PRKDC: variants seen among roughly 807,000 people sequenced by gnomAD.
The protein encoded by PRKDC is protein kinase, DNA-activated, catalytic subunit, also known as DNA-dependent protein kinase catalytic subunit.
In PRKDC, 82 loss-of-function variants were observed where a neutral mutation model predicts 486.9. That is an observed-to-expected ratio of 0.17 (90% CI 0.14 to 0.20). PRKDC has a LOEUF of 0.20. Among genes scored for constraint, PRKDC ranks in the 10% least tolerant of loss-of-function variants. The pLI, the probability that PRKDC is intolerant of heterozygous loss-of-function variation, is 1.00. For missense variants in PRKDC, 4,504 were observed against 5,038.2 expected (o/e 0.89, Z 3.21); for synonymous variants, 1,895 against 1,837.0 (o/e 1.03, Z -0.81).
At position 47,836,325 on chromosome 8, in the gene PRKDC, G is replaced by A. The variant is rs770587307; in HGVS notation, c.7951+13C>T. On this transcript the variant is annotated intron_variant, in intron 58 of 85. Transcript: ENST00000314191. ...GTGCTGTATACATGGCCAGCGGGCAGGGTCACTGTTACCTGCAGTCTGTGT... is the reference window on the plus strand; with the variant it reads ...GTGCTGTATACATGGCCAGCGGGCAAGGTCACTGTTACCTGCAGTCTGTGT... 1.3e-6 allele frequency: 2 copies of A among 1,549,564 alleles called. No individual in the cohort carries two copies.
intron 40 of PRKDC, among the ~76,000 whole-genome samples, chr8:47,870,137 T>C (rs1037388119): frequency 6.6e-6 from 1 of 152,126 alleles, no homozygotes; most frequent in African/African-American, 2.4e-5. Flanking sequence ...AACACAAGAC[T>C]GGCTAGATTT....
intron 54 of PRKDC, among the ~76,000 whole-genome samples, chr8:47,845,835 A>C (rs1161196086): frequency 6.6e-6 from 1 of 152,192 alleles, no homozygotes; most frequent in Non-Finnish European, 1.5e-5. Context: ...CATTCTCTGA[A>C]GCCAGCATCA....
chr8:47,880,031 T>C (rs891819208), intron 38 of PRKDC, among the ~76,000 whole-genome samples: 5 of 152,036 alleles, frequency 3.3e-5, no homozygotes, highest in African/African-American at 1.2e-4. Context: ...ATATTTTTCA[T>C]AGAGACGGGG....
At chr8:47,930,297 G>C (rs2090228380) in intron 17 of PRKDC, among the ~76,000 whole-genome samples, 1 of 152,220 alleles carries the variant, frequency 6.6e-6, no homozygotes, top group Admixed American at 6.5e-5. Flanking sequence ...TTTTGAGACG[G>C]AGTCTCGCTC....
At position 47,936,444 on chromosome 8, in the gene PRKDC, A is replaced by G. The variant is rs2090353585; in HGVS notation, c.1187T>C (p.Phe396Ser). The G allele has an allele frequency of 6.2e-7, 1 of 1,614,058 alleles. No individual in the cohort carries two copies. Among genetic ancestry groups the G allele is most frequent in the South Asian group, 1.1e-5 (1 of 91,086 alleles). The change falls in exon 12 of 86, where the codon TTC becomes TCC. Residue 396 changes from phenylalanine (F) to serine (S), a missense_variant. Physicochemically the swap from Phe to Ser is radical, Grantham distance 155. This residue lies in a region of PRKDC where 1,969 missense variants were observed against 2,068.9 expected (regional missense o/e 0.95). Coordinates refer to ENST00000314191, the MANE Select transcript of PRKDC (RefSeq NM_006904.7). ...VELIQRCKQM[F>S]LTQTDTGDDR... ...GTCACCAGTGTCTGTCTGGGTGAGG[A>G]ACATCTGCTTGCAGCGCTGAATGAG...
intron 35 of PRKDC, among the ~76,000 whole-genome samples, chr8:47,886,499 T>A (rs1378092984): frequency 2.0e-5 from 3 of 151,386 alleles, no homozygotes; most frequent in Non-Finnish European, 4.4e-5. Flanking sequence ...CAAGCAATTC[T>A]CCGGCCTCAG....
chr8:47,882,120 G>A (rs763716519), intron 36 of PRKDC, 23 bp from the exon 37 acceptor site: 24 of 1,575,188 alleles, frequency 1.5e-5, no homozygotes, highest in Non-Finnish European at 2.1e-5. Flanking sequence ...CGTTGTGAGT[G>A]AAGAAAAATT....
chr8:47,776,816 T>TA (rs759164669), intron 85 of PRKDC, 28 bp downstream of exon 85: 2 of 1,612,716 alleles, frequency 1.2e-6, no homozygotes, highest in Non-Finnish European at 1.7e-6. Context: ...GGTAGTCCGT[T>TA]AGTTTTTTCC....
rs559093103 is a variant in PRKDC at position 47,845,387 on chromosome 8, T to C, written c.7280+3767A>G. On this transcript the variant is annotated intron_variant, in intron 54 of 85. Transcript: ENST00000314191. ...AGAATAAACGAGATAGACCACAAGCTAGATCAATAGAGGGAGACAGAGACA... is the reference window on the plus strand; with the variant it reads ...AGAATAAACGAGATAGACCACAAGCCAGATCAATAGAGGGAGACAGAGACA... 3.3e-5 allele frequency among the ~76,000 whole-genome samples: 5 copies of C among 152,006 alleles called. No individual in the cohort carries two copies. The East Asian group carries it at 9.7e-4, about 29-fold the overall frequency.
chr8:47,785,254 G>A lies in PRKDC; in HGVS notation c.10966C>T (p.Leu3656Phe), dbSNP rs749516814. 2 of 1,613,152 alleles carry A rather than the reference G, an allele frequency of 1.2e-6. No homozygotes were observed. Among genetic ancestry groups the A allele is most frequent in the African/African-American group, 1.3e-5 (1 of 74,916 alleles). The change falls in exon 77 of 86, where the codon CTC becomes TTC. Residue 3656 changes from leucine (L) to phenylalanine (F), a missense_variant. Coordinates refer to ENST00000314191, the MANE Select transcript of PRKDC (RefSeq NM_006904.7). ...TTGGTAATGTCGTTGAAGTCACTGA[G>A]CTTCATTCTCAGTAGTTTAGAACCT... is the stretch of plus-strand genomic sequence containing the variant. ...KGGSKLLRMK[L>F]SDFNDITNML... is the part of the protein sequence containing the mutation.
In PRKDC at chr8:47,855,335, A is replaced by C. The variant is rs775135938; in HGVS notation, c.6648T>G (p.Leu2216=). ...GAAAGACATGTTTCATTAGGAAATT[A>C]AGCAATCGATTTGCTAACACTTCAT... The part of the protein sequence containing the change: ...PKDEVLANRL[L]NFLMKHVFHP... Residue 2216 remains leucine, a synonymous_variant, in exon 50 of 86, where the codon CTT becomes CTG. Transcript: ENST00000314191. 1 of 1,599,944 alleles carries C rather than the reference A, an allele frequency of 6.3e-7. No homozygotes were observed. The highest frequency in any genetic ancestry group is 8.5e-7 in the Non-Finnish European group (1 of 1,172,194).
intron 44 of PRKDC, 58 bp downstream of exon 44, chr8:47,862,004 T>C: frequency 7.4e-7 from 1 of 1,348,780 alleles, no homozygotes; most frequent in Non-Finnish European, 1.0e-6. Flanking sequence ...TTTGACATAA[T>C]ATGGTTTTCT....
chr8:47,774,404 A>G, intron 85 of PRKDC, 27 bp from the exon 86 acceptor site: 1 of 1,600,678 alleles, frequency 6.2e-7, no homozygotes, highest in Non-Finnish European at 8.5e-7. Flanking sequence ...CACAGAAAAC[A>G]CAAAGCATGT....
rs553041287 is a variant in PRKDC, at chr8:47,778,904, TTGA to T, written c.11579+97_11579+99del. The stretch of plus-strand genomic sequence containing the variant: ...ATTGAGACTCAAATATCGAATAATC[TTGA>T]TGATCTCTCTGAGGCAAAGCTAAGA... On this transcript the variant is annotated intron_variant, in intron 81 of 85. Coordinates refer to ENST00000314191, the MANE Select transcript of PRKDC (RefSeq NM_006904.7). 2.6e-5 allele frequency: 37 copies of T among 1,450,352 alleles called. 1 individual carries two copies. In the South Asian group the frequency reaches 4.5e-4, roughly 18 times the overall value. The allele number at this position is 1,450,352 out of a possible 1,614,324, so 89.8% of individuals were successfully genotyped here. A position where few individuals can be genotyped will look rare whatever the true frequency, so the allele number is the denominator to read the frequency against.
chr8:47,814,144 G>A (rs1013095357), intron 68 of PRKDC, among the ~76,000 whole-genome samples: 2 of 152,140 alleles, frequency 1.3e-5, no homozygotes, highest in African/African-American at 4.8e-5. Flanking sequence ...TTAAGCTGTT[G>A]CAGAAAAAGT....
At chr8:47,859,587 T>C in intron 46 of PRKDC, 24 bp downstream of exon 46, 1 of 1,606,460 alleles carries the variant, frequency 6.2e-7, no homozygotes, top group Non-Finnish European at 8.5e-7. Context: ...GACAATATTC[T>C]TTTAGTATGT....
Position 47,922,119 on chromosome 8 carries a change from A to T in PRKDC, c.2420-3736T>A, listed in dbSNP as rs548517813. Among the ~76,000 whole-genome samples the T allele has an allele frequency of 2.8e-3, 429 of 151,262 alleles. 2 individuals carry two copies. Among genetic ancestry groups the T allele is most frequent in the African/African-American group, 0.01 (420 of 41,152 alleles). Reference sequence around the variant, plus strand: ...TTCTTGGATTACAGGTGTGAGCCACAGCACCCAGCCTGATTTTTCTTTTTT... The same window carrying T: ...TTCTTGGATTACAGGTGTGAGCCACTGCACCCAGCCTGATTTTTCTTTTTT... On this transcript the variant is annotated intron_variant, in intron 21 of 85. Coordinates refer to ENST00000314191, the MANE Select transcript of PRKDC (RefSeq NM_006904.7).
intron 84 of PRKDC, 73 bp from the exon 85 acceptor site, chr8:47,777,056 T>G: frequency 6.6e-7 from 1 of 1,508,388 alleles, no homozygotes; most frequent in Non-Finnish European, 8.9e-7. Flanking sequence ...AGATTAAATC[T>G]AGTAATGATC....
intron 7 of PRKDC, among the ~76,000 whole-genome samples, chr8:47,950,611 A>G (rs530379386): frequency 7.3e-5 from 11 of 151,004 alleles, no homozygotes; most frequent in Admixed American, 1.3e-4. Context: ...CCTGGGCGAC[A>G]GAGCAAGACT....
Sources: allele counts gnomAD v4.1 joint callset (sites outside exome capture counted in the v4.1 genomes callset), GRCh38; gene constraint gnomAD v4.1.1; regional missense constraint gnomAD v4.1.1; transcripts MANE v1.5; gene names NCBI Gene and HGNC (gene_info 2026-07-23, HGNC 2026-07-21).